The following OMA1 variants were observed in gnomAD, a reference collection of about 807,000 sequenced individuals.
OMA1 encodes the protein OMA1 zinc metallopeptidase.
Under a neutral mutation model 30.9 loss-of-function variants are expected in OMA1, and 38 were observed. The observed-to-expected ratio is 1.23, with a 90% CI of 0.95 to 1.61. OMA1 has a LOEUF of 1.61. OMA1 is among the 40% of genes most tolerant of loss of function. OMA1 has a pLI of 0.00. For synonymous variants in OMA1, 173 were observed against 121.9 expected, an observed-to-expected ratio of 1.42 and a Z score of -2.76; for missense variants, 461 against 349.2, an observed-to-expected ratio of 1.32 and a Z score of -2.55.
At chr1:58,528,424 A>C (rs2100468016) in intron 6 of OMA1, among the ~76,000 whole-genome samples, 1 of 152,342 alleles carries the variant, frequency 6.6e-6, no homozygotes, top group East Asian at 1.9e-4. Flanking sequence ...ATAACAGCTC[A>C]TATTTATTGA....
intron 8 of OMA1, among the ~76,000 whole-genome samples, chr1:58,491,061 C>G (rs138854957): frequency 6.6e-6 from 1 of 151,940 alleles, no homozygotes; most frequent in South Asian, 2.1e-4. Flanking sequence ...CCCACCACAG[C>G]CTCCCAAAGT....
At position 58,530,491 on chromosome 1, in the gene OMA1, C is replaced by A. The variant is rs190603623; in HGVS notation, c.1140+110G>T. On this transcript the variant is annotated intron_variant, in intron 6 of 8. Coordinates refer to ENST00000371226, the MANE Select transcript of OMA1 (RefSeq NM_145243.5). ...ACATAAGACACTAAAAATTCGTACCCATATTTCATAGTAAAATGTAAAAAC... is the reference window on the plus strand; with the variant it reads ...ACATAAGACACTAAAAATTCGTACCAATATTTCATAGTAAAATGTAAAAAC... 949 of 651,822 alleles carry A rather than the reference C, an allele frequency of 1.5e-3. 1 individual carries two copies. The highest frequency in any genetic ancestry group is 2.2e-3 in the Non-Finnish European group (841 of 377,064). 40.4% of individuals were successfully genotyped at this position (651,822 alleles called of 1,614,324 possible).
chr1:58,486,616 C>T (rs1255736328), intron 8 of OMA1, among the ~76,000 whole-genome samples: 2 of 152,152 alleles, frequency 1.3e-5, no homozygotes, highest in African/African-American at 2.4e-5. Context: ...AGGCCTTACA[C>T]ACTAGGGTAA....
chr1:58,502,947 C>A (rs1645929279), intron 8 of OMA1, among the ~76,000 whole-genome samples: 1 of 152,104 alleles, frequency 6.6e-6, no homozygotes, highest in South Asian at 2.1e-4. Context: ...ACGTCTTTGT[C>A]TTCATCATTT....
chr1:58,511,934 A>T (rs1419834615), intron 7 of OMA1, among the ~76,000 whole-genome samples: 2 of 152,186 alleles, frequency 1.3e-5, no homozygotes, highest in Non-Finnish European at 2.9e-5. Context: ...ACTACCAAAA[A>T]GCTCTGCACA....
intron 5 of OMA1, among the ~76,000 whole-genome samples, chr1:58,532,999 T>A (rs543989657): frequency 6.6e-6 from 1 of 152,218 alleles, no homozygotes. Context: ...CCATTTGAAG[T>A]TAATGTTACT....
chr1:58,490,448 G>C (rs563547577), intron 8 of OMA1, among the ~76,000 whole-genome samples: 1 of 152,308 alleles, frequency 6.6e-6, no homozygotes, highest in Admixed American at 6.5e-5. Context: ...TATGTGAAAA[G>C]ACCAAATCTA....
intron 8 of OMA1, among the ~76,000 whole-genome samples, chr1:58,490,887 G>A (rs1645673160): frequency 7.8e-6 from 1 of 127,688 alleles, no homozygotes; most frequent in South Asian, 2.7e-4. Context: ...CTCACAGCAA[G>A]CTCTGCCTCC....
chr1:58,527,973 C>T (rs1030348903), intron 6 of OMA1, among the ~76,000 whole-genome samples: 1 of 152,160 alleles, frequency 6.6e-6, no homozygotes, highest in East Asian at 1.9e-4. Context: ...TCAGTAAGTA[C>T]TAAAACTTTG....
intron 8 of OMA1, among the ~76,000 whole-genome samples, chr1:58,499,120 A>G (rs1234993184): frequency 6.6e-6 from 1 of 152,104 alleles, no homozygotes; most frequent in African/African-American, 2.4e-5. Flanking sequence ...GCTAAGTGAA[A>G]TAAGCCAGGT....
At chr1:58,536,866 T>C (rs576446693) in intron 2 of OMA1, 125 bp from the exon 3 acceptor site, 13 of 607,456 alleles carry the variant, frequency 2.1e-5, no homozygotes, top group Non-Finnish European at 3.5e-5. Flanking sequence ...TTTCGCTGAA[T>C]ACATCGCTTT....
At chr1:58,513,725 A>T (rs1340083285) in intron 7 of OMA1, among the ~76,000 whole-genome samples, 2 of 152,206 alleles carry the variant, frequency 1.3e-5, no homozygotes, top group African/African-American at 4.8e-5. Context: ...ACCACATGCC[A>T]GGCATTGTTT....
intron 7 of OMA1, among the ~76,000 whole-genome samples, chr1:58,514,514 C>A (rs1279309915): frequency 6.6e-6 from 1 of 152,134 alleles, no homozygotes; most frequent in Non-Finnish European, 1.5e-5. Context: ...CCATCACCCC[C>A]TTCCAAAGGT....
intron 7 of OMA1, among the ~76,000 whole-genome samples, chr1:58,507,795 T>C (rs11803703): frequency 0.12 from 17,682 of 152,108 alleles, 1,228 homozygotes; most frequent in African/African-American, 0.18. Context: ...CAATAATAGG[T>C]AATCACATTC....
intron 8 of OMA1, among the ~76,000 whole-genome samples, chr1:58,503,002 C>T (rs1645930372): frequency 6.6e-6 from 1 of 152,156 alleles, no homozygotes; most frequent in African/African-American, 2.4e-5. Flanking sequence ...TCTTCCTACT[C>T]ACTAATCAAT....
At chr1:58,536,854 T>C (rs1646525380) in intron 2 of OMA1, 113 bp from the exon 3 acceptor site, 3 of 662,068 alleles carry the variant, frequency 4.5e-6, no homozygotes, top group South Asian at 1.9e-5. Context: ...TTGTATGATG[T>C]ATTTCGCTGA....
intron 3 of OMA1, 81 bp from the exon 4 acceptor site, chr1:58,534,412 CT>C (rs751991847): frequency 2.3e-5 from 15 of 644,690 alleles, no homozygotes; most frequent in Non-Finnish European, 3.7e-5. Context: ...TATATGGCTA[CT>C]TATTATTGAA....
Position 58,520,843 on chromosome 1 carries a change from A to G in OMA1, c.1215+6418T>C, listed in dbSNP as rs143728362. Among the ~76,000 whole-genome samples the G allele has an allele frequency of 2.5e-4, 38 of 152,316 alleles. No individual in the cohort carries two copies. The Middle Eastern group carries it at 0.01, about 41-fold the overall frequency. On this transcript the variant is annotated intron_variant, in intron 7 of 8. Coordinates refer to ENST00000371226, the MANE Select transcript of OMA1 (RefSeq NM_145243.5). ...TAATAGCCCTAAAAGGAAAAAAGAA[A>G]AATCTACAACCATAATGAAATATTA...
At position 58,498,418 on chromosome 1, in the gene OMA1, C is replaced by T. The variant is rs1645841585; in HGVS notation, c.1365+7642G>A. ...AGTCCCTTTACTACCACCTCTATTTCCAACTCTCTCCCTTAATTTCTAAAA... is the reference window on the plus strand; with the variant it reads ...AGTCCCTTTACTACCACCTCTATTTTCAACTCTCTCCCTTAATTTCTAAAA... On this transcript the variant is annotated intron_variant, in intron 8 of 8. Transcript: ENST00000371226. 1.3e-5 allele frequency among the ~76,000 whole-genome samples: 2 copies of T among 152,084 alleles called. 1 individual carries two copies. Among genetic ancestry groups the T allele is most frequent in the South Asian group, 4.1e-4 (2 of 4,824 alleles).
Sources: allele counts gnomAD v4.1 joint callset (sites outside exome capture counted in the v4.1 genomes callset), GRCh38; gene constraint gnomAD v4.1.1; transcripts MANE v1.5; gene names NCBI Gene and HGNC (gene_info 2026-07-23, HGNC 2026-07-21).